RFC3: variants seen among roughly 807,000 people sequenced by gnomAD.
RFC3 encodes the protein A1 38 kDa subunit.
Under a neutral mutation model 45.1 loss-of-function variants are expected in RFC3, and 41 were observed. The observed-to-expected ratio is 0.91, with a 90% CI of 0.71 to 1.18. The LOEUF is 1.18. Ranked by LOEUF, RFC3 falls within the 50% of genes most tolerant of loss-of-function variation. The pLI is 0.00. For missense variants in RFC3, 423 were observed against 428.1 expected (o/e 0.99, Z 0.10); for synonymous variants, 149 against 144.0 (o/e 1.03, Z -0.25).
In RFC3 at chr13:33,944,918, C is replaced by T. The variant is rs117956501; in HGVS notation, c.880-21169C>T. On this transcript the variant is annotated intron_variant, in intron 8 of 8. Transcript: ENST00000434425. ...CCTTGGAAACAACCAGAAGACTTAA[C>T]TCAGCATCTCAGAAAGATCAAAATC... Among the ~76,000 whole-genome samples, 242 of 152,282 alleles carry T rather than the reference C, an allele frequency of 1.6e-3. 8 individuals are homozygous for T. The East Asian group carries it at 0.044, about 28-fold the overall frequency.
chr13:33,976,506 T>G, the RFC3 span, among the ~76,000 whole-genome samples: 1 of 151,956 alleles, frequency 6.6e-6, no homozygotes, highest in Non-Finnish European at 1.5e-5. Flanking sequence ...ATTAGTAGAG[T>G]AGGATAACTA....
At chr13:33,835,553 C>T in intron 8 of RFC3, 2 of 476,648 alleles carry the variant, frequency 4.2e-6, no homozygotes, top group South Asian at 3.3e-5. Flanking sequence ...AGTGAAGTTC[C>T]ACCCATCCGT....
chr13:33,887,263 T>C (rs1189903386), intron 8 of RFC3, among the ~76,000 whole-genome samples: 2 of 149,628 alleles, frequency 1.3e-5, no homozygotes, highest in Non-Finnish European at 3.0e-5. Flanking sequence ...AGTGTAAAAG[T>C]GTTCCTATTT....
intron 8 of RFC3, among the ~76,000 whole-genome samples, chr13:33,853,692 A>G (rs1259729540): frequency 6.6e-6 from 1 of 152,156 alleles, no homozygotes; most frequent in Non-Finnish European, 1.5e-5. Flanking sequence ...CCTAAATTCT[A>G]ACTGCTTTTA....
intron 4 of RFC3, chr13:33,829,534 T>C (rs980549558): frequency 5.5e-5 from 16 of 291,860 alleles, no homozygotes; most frequent in Non-Finnish European, 8.8e-5. Context: ...TTCTTTTTTT[T>C]ACTAGCCCTG....
At chr13:33,827,646 A>G (rs2082062989) in intron 4 of RFC3, among the ~76,000 whole-genome samples, 2 of 152,212 alleles carry the variant, frequency 1.3e-5, no homozygotes, top group South Asian at 4.1e-4. Flanking sequence ...GAATTAACCT[A>G]TTCTTACATG....
chr13:33,909,688 G>A (rs575089529), intron 8 of RFC3, among the ~76,000 whole-genome samples: 1 of 152,024 alleles, frequency 6.6e-6, no homozygotes, highest in Non-Finnish European at 1.5e-5. Context: ...GAAGGTGAAG[G>A]CGTCATCTCC....
At chr13:33,967,589 G>A (rs1431024168), downstream of RFC3, among the ~76,000 whole-genome samples, 2 of 145,906 alleles carry the variant, frequency 1.4e-5, no homozygotes, top group African/African-American at 5.1e-5. Flanking sequence ...CTGGGTTCAA[G>A]CGATTCTCCT....
chr13:33,903,972 A>C (rs750306237), intron 8 of RFC3, among the ~76,000 whole-genome samples: 12 of 152,242 alleles, frequency 7.9e-5, no homozygotes, highest in Middle Eastern at 3.4e-3. Flanking sequence ...TATTACACTA[A>C]CATCGTTTTC....
intron 8 of RFC3, among the ~76,000 whole-genome samples, chr13:33,872,647 C>T (rs938902501): frequency 3.3e-5 from 5 of 152,232 alleles, no homozygotes; most frequent in Middle Eastern, 3.4e-3. Flanking sequence ...GATGGAGAAT[C>T]GCTTGAACCC....
intron 8 of RFC3, among the ~76,000 whole-genome samples, chr13:33,900,189 A>C (rs1281712405): frequency 1.3e-5 from 2 of 152,036 alleles, no homozygotes; most frequent in African/African-American, 4.8e-5. Context: ...TATAAAATGT[A>C]TATGAAACCA....
rs2139429680 is a variant in RFC3, at chr13:33,836,645, AT to A, written c.*353del. 1 of 996,346 alleles carries A rather than the reference AT, an allele frequency of 1.0e-6. No individual in the cohort carries two copies. The highest frequency in any genetic ancestry group is 1.2e-6 in the Non-Finnish European group (1 of 836,888). The allele number at this position is 996,346 out of a possible 1,614,324, so 61.7% of individuals were successfully genotyped here. A position where few individuals can be genotyped will look rare whatever the true frequency, so the allele number is the denominator to read the frequency against. ...ACATTAGAAAGCAAAGATTATTTTC[AT>A]TTATCCAGATGACCATTTTCTGCCA... On this transcript the variant is annotated 3_prime_UTR_variant, in exon 9 of 9. Coordinates refer to ENST00000380071, the MANE Select transcript of RFC3 (RefSeq NM_002915.4).
chr13:33,958,670 C>T (rs2083037577), intron 8 of RFC3, among the ~76,000 whole-genome samples: 1 of 152,138 alleles, frequency 6.6e-6, no homozygotes, highest in African/African-American at 2.4e-5. Context: ...TCAGGTAAGG[C>T]TTGATGTGGC....
chr13:33,926,114 A>C lies in RFC3; in HGVS notation c.880-39973A>C, dbSNP rs2082810713. Among the ~76,000 whole-genome samples the C allele has an allele frequency of 1.3e-5, 2 of 150,756 alleles. 1 individual carries two copies. The highest frequency in any genetic ancestry group is 4.2e-4 in the South Asian group (2 of 4,756). Reference sequence around the variant, plus strand: ...TCAGTAAACTATCACAGGAACAAAAAACCAGACACCGCATATTCTCACTCA... The same window carrying C: ...TCAGTAAACTATCACAGGAACAAAACACCAGACACCGCATATTCTCACTCA... On this transcript the variant is annotated intron_variant, in intron 8 of 8. Coordinates refer to the RFC3 transcript ENST00000434425.
downstream of RFC3, among the ~76,000 whole-genome samples, chr13:33,967,625 T>C (rs931262055): frequency 1.3e-5 from 2 of 151,468 alleles, no homozygotes; most frequent in Non-Finnish European, 2.9e-5. Flanking sequence ...GTAGCTGGGA[T>C]TACAGGCACA....
intron 8 of RFC3, among the ~76,000 whole-genome samples, chr13:33,885,174 T>A (rs1332274384): frequency 6.6e-6 from 1 of 152,204 alleles, no homozygotes; most frequent in Non-Finnish European, 1.5e-5. Flanking sequence ...TATGTTATAT[T>A]ATCAAACTGC....
downstream of RFC3, among the ~76,000 whole-genome samples, chr13:33,968,355 C>T (rs1282438184): frequency 6.6e-6 from 1 of 152,114 alleles, no homozygotes; most frequent in South Asian, 2.1e-4. Context: ...CTCAAACTCC[C>T]GACCTCAAGT....
intron 4 of RFC3, among the ~76,000 whole-genome samples, chr13:33,828,189 G>A (rs2082068522): frequency 2.0e-5 from 3 of 152,032 alleles, no homozygotes; most frequent in Admixed American, 2.0e-4. Flanking sequence ...AAATGACCTT[G>A]TGTTCTGAGC....
At chr13:33,886,853 C>T (rs939290913) in intron 8 of RFC3, among the ~76,000 whole-genome samples, 13 of 146,138 alleles carry the variant, frequency 8.9e-5, no homozygotes, top group African/African-American at 3.3e-4. Flanking sequence ...TCTCATTGTT[C>T]AGTTCCTACC....
Sources: gnomAD v4.1 joint callset for allele counts (sites outside exome capture counted in the v4.1 genomes callset) on GRCh38, gnomAD v4.1.1 for gene constraint, MANE v1.5 for transcripts, NCBI Gene and HGNC (gene_info 2026-07-23, HGNC 2026-07-21) for gene names.